SASH3: variants seen among roughly 807,000 people sequenced by gnomAD.
SASH3 encodes SAM and SH3 domain-containing protein 3.
In SASH3, 7 loss-of-function variants were observed where a neutral mutation model predicts 26.1. The observed-to-expected ratio is 0.27, with a 90% confidence interval of 0.15 to 0.50. The LOEUF is 0.50. Among genes scored for constraint, SASH3 ranks in the 20% least tolerant of loss-of-function variants. The pLI is 0.98. For synonymous variants in SASH3, 138 were observed against 136.8 expected (o/e 1.01, Z -0.06); for missense variants, 231 against 318.3 (o/e 0.73, Z 2.09).
intron 1 of SASH3, among the ~76,000 whole-genome samples, chrX:129,782,966 G>A (rs763134218): frequency 4.5e-5 from 5 of 111,755 alleles, no homozygotes; most frequent in African/African-American, 6.5e-5. Flanking sequence ...CAGTGTTGGG[G>A]TATAGGAAGT....
At chrX:129,784,549 A>G (rs761272583) in intron 1 of SASH3, among the ~76,000 whole-genome samples, 88 of 111,811 alleles carry the variant, frequency 7.9e-4, no homozygotes, top group African/African-American at 2.5e-3. Flanking sequence ...TCATCCTCAC[A>G]ACAGCCAGAT....
At position 129,793,061 on chromosome X, in the gene SASH3, C is replaced by T; in HGVS notation, c.874C>T (p.Leu292Phe). ...EDFKELRETHLNELNIMDPQH... is the reference protein window; with the variant it reads ...EDFKELRETHFNELNIMDPQH... ...CTTCAAAGAGCTGCGAGAAACACAC[C>T]TCAATGAGCTGAACATCATGGATCC... Residue 292 changes from leucine to phenylalanine, a missense_variant, in exon 7 of 8, where the codon CTC becomes TTC. Transcript: ENST00000356892. The T allele has an allele frequency of 8.3e-7, 1 of 1,211,419 alleles. No homozygotes were observed. The highest frequency in any genetic ancestry group is 1.1e-6 in the Non-Finnish European group (1 of 895,358).
intron 1 of SASH3, among the ~76,000 whole-genome samples, chrX:129,781,462 A>C (rs704869): frequency 0.49 from 53,862 of 110,627 alleles, 12,346 homozygotes; most frequent in African/African-American, 0.89. Flanking sequence ...GCCCAGCAGG[A>C]CTGCCATTGG....
In SASH3 at chrX:129,792,683, A is replaced by G; in HGVS notation, c.648A>G (p.Leu216=). Reference sequence around the variant, plus strand: ...CACCTGTGGGCACGTGGCTGGGCCTACTCAATGGCAAGGTGGGCTCTTTCA... The same window carrying G: ...CACCTGTGGGCACGTGGCTGGGCCTGCTCAATGGCAAGGTGGGCTCTTTCA... ...EKPPVGTWLG[L]LNGKVGSFKF... Residue 216 remains leucine, a synonymous_variant, in exon 6 of 8, where the codon CTA becomes CTG. Coordinates refer to ENST00000356892, the MANE Select transcript of SASH3 (RefSeq NM_018990.4). The G allele has an allele frequency of 3.3e-6, 4 of 1,211,082 alleles. No homozygotes were observed. Among genetic ancestry groups the G allele is most frequent in the Non-Finnish European group, 4.5e-6 (4 of 895,428 alleles).
chrX:129,793,845 A>G lies in SASH3; in HGVS notation c.*13A>G. ...CGGGGCACCTTGAGGTGGCGGTGGC[A>G]ATAGGCCAAGGCTGGGACCCAGCTG... On this transcript the variant is annotated 3_prime_UTR_variant, in exon 8 of 8. Coordinates refer to ENST00000356892, the MANE Select transcript of SASH3 (RefSeq NM_018990.4). The G allele has an allele frequency of 8.6e-7, 1 of 1,166,885 alleles. No homozygotes were observed. The highest frequency in any genetic ancestry group is 1.1e-6 in the Non-Finnish European group (1 of 871,367).
chrX:129,784,903 C>G (rs992979240), intron 1 of SASH3, among the ~76,000 whole-genome samples: 8 of 109,868 alleles, frequency 7.3e-5, no homozygotes, highest in Non-Finnish European at 1.3e-4. Context: ...GGTGGCCCTA[C>G]ATTTCAAATG....
chrX:129,784,682 A>C (rs1602926135), intron 1 of SASH3, among the ~76,000 whole-genome samples: 2 of 111,587 alleles, frequency 1.8e-5, no homozygotes, highest in South Asian at 3.7e-4. Flanking sequence ...CCTGATGTGA[A>C]GTGGGCTTCA....
chrX:129,794,057 G>A lies in SASH3; in HGVS notation c.*225G>A, dbSNP rs1927286102. 1.3e-5 allele frequency: 5 copies of A among 388,383 alleles called. No individual in the cohort carries two copies. Among genetic ancestry groups the A allele is most frequent in the Admixed American group, 4.3e-5 (1 of 23,192 alleles). The allele number at this position is 388,383 out of a possible 1,213,427, so 32.0% of individuals were successfully genotyped here. ...GGCACATCCCACCTGCCTGAGCCCC[G>A]CCCTCCACCAGCGACTGACAGCGCA... is the stretch of plus-strand genomic sequence containing the variant. On this transcript the variant is annotated 3_prime_UTR_variant, in exon 8 of 8. Coordinates refer to ENST00000356892, the MANE Select transcript of SASH3 (RefSeq NM_018990.4).
Position 129,793,820 on chromosome X carries a change from C to T in SASH3, c.1131C>T (p.Ala377=), listed in dbSNP as rs368144355. 71 of 1,184,720 alleles carry T rather than the reference C, an allele frequency of 6.0e-5. No homozygotes were observed. Among genetic ancestry groups the T allele is most frequent in the East Asian group, 2.8e-4 (9 of 32,342 alleles). ...AGCAGCTGCAAGGCCTCTCCCTGGC[C>T]GGGGCACCTTGAGGTGGCGGTGGCA... The part of the protein sequence containing the change: ...TEEQLQGLSL[A]GAP The change falls in exon 8 of 8, where the codon GCC becomes GCT. Residue 377 remains alanine, a synonymous_variant. Transcript: ENST00000356892.
intron 7 of SASH3, among the ~76,000 whole-genome samples, 161 bp downstream of exon 7, chrX:129,793,300 C>T (rs1279627559): frequency 1.8e-5 from 2 of 111,978 alleles, no homozygotes; most frequent in Non-Finnish European, 3.8e-5. Flanking sequence ...GGAAAGTGTA[C>T]GGGAGAAAGG....
intron 4 of SASH3, among the ~76,000 whole-genome samples, chrX:129,791,412 T>C (rs1056789618): frequency 3.6e-5 from 4 of 110,939 alleles, no homozygotes; most frequent in Non-Finnish European, 1.9e-5. Context: ...AGAGGAAGAG[T>C]CTCAGTCACC....
intron 3 of SASH3, among the ~76,000 whole-genome samples, chrX:129,789,622 A>G (rs770977783): frequency 9.0e-6 from 1 of 110,830 alleles, no homozygotes; most frequent in Non-Finnish European, 1.9e-5. Flanking sequence ...GGGTGACAAG[A>G]GCAAAACTCC....
intron 1 of SASH3, among the ~76,000 whole-genome samples, chrX:129,783,779 G>C (rs1913681234): frequency 9.0e-6 from 1 of 111,251 alleles, no homozygotes; most frequent in Non-Finnish European, 1.9e-5. Context: ...AAGGAGCAGA[G>C]GGGGTAGCTC....
At chrX:129,793,506 C>T (rs114378847) in intron 7 of SASH3, 136 bp from the exon 8 acceptor site, 4 of 671,334 alleles carry the variant, frequency 6.0e-6, no homozygotes, top group Non-Finnish European at 8.8e-6. Context: ...CAACTCCTAC[C>T]AGCTTCTAAG....
rs1334431526 is a variant in SASH3, at chrX:129,793,075, C to T, written c.888C>T (p.Asn296=). Residue 296 remains asparagine (N), a synonymous_variant, in exon 7 of 8, where the codon AAC becomes AAT. Coordinates refer to ENST00000356892, the MANE Select transcript of SASH3 (RefSeq NM_018990.4). ...GAGAAACACACCTCAATGAGCTGAA[C>T]ATCATGGATCCACAGCACCGGGCCA... ...ELRETHLNEL[N]IMDPQHRAKL... is the part of the protein sequence containing the mutation. 2 of 1,211,381 alleles carry T rather than the reference C, an allele frequency of 1.7e-6. No individual in the cohort carries two copies.
chrX:129,788,137 G>GGGGGGGGGGGGGGGGGGGGGCTGGC, intron 2 of SASH3, 67 bp downstream of exon 2: 1 of 354,274 alleles, frequency 2.8e-6, no homozygotes, highest in Non-Finnish European at 5.4e-6. Flanking sequence ...GGGTGGGAGG[G>GGGGGGGGGGGGGGGGGGGGGCTGGC]AAGAGGGTGA....
intron 1 of SASH3, among the ~76,000 whole-genome samples, chrX:129,780,665 G>T (rs1376724701): frequency 8.9e-6 from 1 of 112,624 alleles, no homozygotes; most frequent in African/African-American, 3.2e-5. Context: ...CCCAGACCCT[G>T]CCCACTTGGC....
intron 3 of SASH3, among the ~76,000 whole-genome samples, chrX:129,789,109 AAAAG>A (rs770010971): frequency 0.065 from 2,583 of 39,455 alleles, 115 homozygotes; most frequent in Admixed American, 0.13. Flanking sequence ...CTCAAAAAAA[AAAAG>A]AAAGAAAGAA....
chrX:129,781,015 G>T (rs970749729), intron 1 of SASH3, among the ~76,000 whole-genome samples: 1 of 112,191 alleles, frequency 8.9e-6, no homozygotes, highest in Non-Finnish European at 1.9e-5. Context: ...AGATTTCTTT[G>T]GTTGGGTTTG....
Sources: gnomAD v4.1 joint callset for allele counts (sites outside exome capture counted in the v4.1 genomes callset) on GRCh38, gnomAD v4.1.1 for gene constraint, MANE v1.5 for transcripts, NCBI Gene and HGNC (gene_info 2026-07-23, HGNC 2026-07-21) for gene names.